Variants in PRX observed in about 807,000 individuals in gnomAD.
The protein encoded by PRX is periaxin.
PRX carries 24 observed loss-of-function variants against 29.6 expected under a neutral mutation model. The observed-to-expected ratio is 0.81, with a 90% confidence interval of 0.59 to 1.14. The LOEUF (loss-of-function observed/expected upper bound fraction) is 1.14, where lower values mean the gene tolerates loss of function less well. Ranked by LOEUF, PRX falls within the 50% of genes most tolerant of loss-of-function variation. The pLI is 0.00. For missense variants in PRX, 1,838 were observed against 1,926.4 expected (o/e 0.95, Z 0.86); for synonymous variants, 772 against 831.7 (o/e 0.93, Z 1.24).
intron 3 of PRX, 24 bp downstream of exon 3, chr19:40,408,133 GC>G: frequency 1.5e-6 from 1 of 676,504 alleles, no homozygotes; most frequent in Non-Finnish European, 2.6e-6. Context: ...GGGGAGAAGG[GC>G]CCCCACCCCA....
At chr19:40,404,766 G>A (rs2079521078) in intron 4 of PRX, among the ~76,000 whole-genome samples, 2 of 151,928 alleles carry the variant, frequency 1.3e-5, no homozygotes, top group East Asian at 3.9e-4. Flanking sequence ...AGAGACAGGG[G>A]TATCACTGTG....
chr19:40,404,061 C>G (rs1441197923), intron 4 of PRX, among the ~76,000 whole-genome samples, 199 bp from the exon 5 acceptor site: 1 of 152,222 alleles, frequency 6.6e-6, no homozygotes, highest in African/African-American at 2.4e-5. Context: ...GCCTCGGCCT[C>G]CCAAAGTGCT....
intron 1 of PRX, among the ~76,000 whole-genome samples, chr19:40,409,573 A>G (rs915650685): frequency 6.6e-6 from 1 of 151,446 alleles, no homozygotes; most frequent in Admixed American, 6.6e-5. Flanking sequence ...CCTGGGTTCA[A>G]GTGATTCTCC....
Position 40,397,125 on chromosome 19 carries a change from T to C in PRX, c.1227A>G (p.Glu409=). The C allele has an allele frequency of 6.2e-7, 1 of 1,614,118 alleles. No homozygotes were observed. Among genetic ancestry groups the C allele is most frequent in the South Asian group, 1.1e-5 (1 of 91,086 alleles). ...SLLEPRPAAP[E]VVESKLKLPT... is the part of the protein sequence containing the mutation. ...GCAGCTTCAGCTTGCTCTCTACAAC[T>C]TCAGGAGCAGCGGGCCGGGGCTCCA... The change falls in exon 7 of 7, where the codon GAA becomes GAG. Residue 409 remains glutamate (E), a synonymous_variant. Transcript: ENST00000324001.
chr19:40,412,084 C>T (rs1197368900), intron 1 of PRX, among the ~76,000 whole-genome samples: 1 of 152,230 alleles, frequency 6.6e-6, no homozygotes, highest in Admixed American at 6.5e-5. Flanking sequence ...GCTGAGGGAT[C>T]GGCTGAGGGC....
chr19:40,396,570 TTTCATCTCAGGCACCTTTGGAAGC>T lies in PRX; in HGVS notation c.1758_1781del (p.Lys589_Pro596del), dbSNP rs1260536200. 1 of 1,610,100 alleles carries T rather than the reference TTTCATCTCAGGCACCTTTGGAAGC, an allele frequency of 6.2e-7. No individual in the cohort carries two copies. The highest frequency in any genetic ancestry group is 1.7e-5 in the Admixed American group (1 of 59,686). On this transcript the variant is annotated inframe_deletion, in exon 7 of 7. Coordinates refer to ENST00000324001, the MANE Select transcript of PRX (RefSeq NM_181882.3). ...CTTCAGGGAGTTTCATCTCAGGAAG[TTTCATCTCAGGCACCTTTGGAAGC>T]TTCATCTCAGGGACTTTCATCTCTG...
At chr19:40,408,818 T>TG (rs200974884) in intron 1 of PRX, among the ~76,000 whole-genome samples, 83 of 128,542 alleles carry the variant, frequency 6.5e-4, no homozygotes, top group African/African-American at 2.4e-3. Flanking sequence ...TTGTTGGTGG[T>TG]GTGTGTGTGT....
rs547109790 is a variant in PRX at position 40,400,045 on chromosome 19, C to G, written c.185-1229G>C. ...TTGCCCAGGCTGGAGTGCAATGGCG[C>G]GATCTTGGCTCACTGCAACCTCTGC... On this transcript the variant is annotated intron_variant, in intron 5 of 6. Coordinates refer to ENST00000324001, the MANE Select transcript of PRX (RefSeq NM_181882.3). Among the ~76,000 whole-genome samples, 208 of 149,706 alleles carry G rather than the reference C, an allele frequency of 1.4e-3. 1 individual carries two copies. The highest frequency in any genetic ancestry group is 4.8e-3 in the African/African-American group (196 of 41,110).
rs764439512 is a variant in PRX at position 40,398,668 on chromosome 19, G to C, written c.333C>G (p.Thr111=). 4 of 1,613,842 alleles carry C rather than the reference G, an allele frequency of 2.5e-6. No individual in the cohort carries two copies. In the Admixed American group the frequency reaches 6.7e-5, roughly 27 times the overall value. Residue 111 remains threonine, a synonymous_variant, in exon 6 of 7, where the codon ACC becomes ACG. Coordinates refer to ENST00000324001, the MANE Select transcript of PRX (RefSeq NM_181882.3). The surrounding 1 kb of genome is among the most constrained non-coding windows in gnomAD (Gnocchi z 6.3). ...PTGDLALRPG[T]VSGYEIKGPR... The stretch of plus-strand genomic sequence containing the variant: ...GGCCCTTGATCTCGTAGCCAGACAC[G>C]GTCCCGGGCCGCAGAGCCAGGTCCC...
chr19:40,404,816 C>T (rs1403980226), intron 4 of PRX, among the ~76,000 whole-genome samples: 1 of 152,108 alleles, frequency 6.6e-6, no homozygotes, highest in Non-Finnish European at 1.5e-5. Flanking sequence ...TCAAGAGATC[C>T]TCCTGTCTCA....
rs2079402130 is a variant in PRX at position 40,393,916 on chromosome 19, AG to A, written c.*49del. ...GCTAGTTATCACACACACAACAGCGAGGGGGTAGAGAAAGGAAGGCAAGAAG... is the reference window on the plus strand; with the variant it reads ...GCTAGTTATCACACACACAACAGCGAGGGGTAGAGAAAGGAAGGCAAGAAG... On this transcript the variant is annotated 3_prime_UTR_variant, in exon 7 of 7. Coordinates refer to ENST00000324001, the MANE Select transcript of PRX (RefSeq NM_181882.3). 1 of 1,601,894 alleles carries A rather than the reference AG, an allele frequency of 6.2e-7. No homozygotes were observed. The highest frequency in any genetic ancestry group is 1.7e-5 in the Admixed American group (1 of 59,992).
intron 4 of PRX, among the ~76,000 whole-genome samples, chr19:40,404,762 A>G (rs1279929815): frequency 6.6e-6 from 1 of 150,950 alleles, no homozygotes; most frequent in Non-Finnish European, 1.5e-5. Context: ...TTTAAGAGAC[A>G]GGGGTATCAC....
intron 5 of PRX, among the ~76,000 whole-genome samples, chr19:40,399,887 C>CTT (rs1282261191): frequency 1.1e-4 from 8 of 74,038 alleles, no homozygotes; most frequent in Non-Finnish European, 2.0e-4. Flanking sequence ...TTCTTTCTTT[C>CTT]TTTCTTTCTT....
intron 4 of PRX, among the ~76,000 whole-genome samples, chr19:40,404,207 G>A (rs1200671611): frequency 6.6e-6 from 1 of 152,216 alleles, no homozygotes; most frequent in Non-Finnish European, 1.5e-5. Flanking sequence ...AAGCAAGCCT[G>A]AGGGCAGCTG....
Position 40,398,785 on chromosome 19 carries a change from G to T in PRX, c.216C>A (p.Phe72Leu). Residue 72 changes from phenylalanine (F) to leucine (L), a missense_variant, in exon 6 of 7, where the codon TTC becomes TTA. By Grantham distance (22) the Phe-to-Leu change is conservative. This residue lies in a region of PRX where 666 missense variants were observed against 665.0 expected (regional missense o/e 1.00). Transcript: ENST00000324001. This position sits in a 1 kb window ranked among gnomAD's most constrained non-coding sequence, Gnocchi z 6.3. ...GDQLLSARVF[F>L]ENFKYEDALR... ...GTGCGTCCTCGTACTTGAAGTTCTCGAAGAACACTCGGGCACTCAGCAGCT... is the reference window on the plus strand; with the variant it reads ...GTGCGTCCTCGTACTTGAAGTTCTCTAAGAACACTCGGGCACTCAGCAGCT... 6.2e-7 allele frequency: 1 copy of T among 1,614,062 alleles called. No individual in the cohort carries two copies. The highest frequency in any genetic ancestry group is 8.5e-7 in the Non-Finnish European group (1 of 1,179,956).
Position 40,397,351 on chromosome 19 carries a change from C to T in PRX, c.1001G>A (p.Gly334Glu), listed in dbSNP as rs1313800483. Residue 334 changes from glycine (G) to glutamate (E), a missense_variant, in exon 7 of 7, where the codon GGG becomes GAG. This residue lies in a region of PRX where 666 missense variants were observed against 665.0 expected (regional missense o/e 1.00). Transcript: ENST00000324001. ...PTLDVAAPTV[G>E]VDLALPGAEV... ...TGCACCCGGCAAGGCCAGGTCCACC[C>T]CCACAGTCGGTGCTGCCACATCCAG... 1.2e-6 allele frequency: 2 copies of T among 1,612,980 alleles called. No individual in the cohort carries two copies. The highest frequency in any genetic ancestry group is 1.7e-5 in the Admixed American group (1 of 60,024).
At chr19:40,399,212 C>T (rs1210781222) in intron 5 of PRX, among the ~76,000 whole-genome samples, 1 of 152,172 alleles carries the variant, frequency 6.6e-6, no homozygotes, top group Non-Finnish European at 1.5e-5. Flanking sequence ...GAACTAACCC[C>T]ACTCCTAGCT....
At chr19:40,400,546 C>T (rs1458092837) in intron 5 of PRX, among the ~76,000 whole-genome samples, 2 of 135,656 alleles carry the variant, frequency 1.5e-5, no homozygotes, top group Non-Finnish European at 3.1e-5. Context: ...GAGCTGAGAT[C>T]GTGCCATTGC....
At chr19:40,402,047 C>T (rs1478370271) in intron 5 of PRX, among the ~76,000 whole-genome samples, 8 of 152,142 alleles carry the variant, frequency 5.3e-5, no homozygotes, top group Admixed American at 4.6e-4. Flanking sequence ...GCCAAGCCCA[C>T]CCCCATTTAA....
Sources: gnomAD v4.1 joint callset for allele counts (sites outside exome capture counted in the v4.1 genomes callset) on GRCh38, gnomAD v4.1.1 for gene constraint, gnomAD v4.1.1 regional missense constraint, Gnocchi (gnomAD v3.1) non-coding constraint, MANE v1.5 for transcripts, NCBI Gene and HGNC (gene_info 2026-07-23, HGNC 2026-07-21) for gene names.